Variants in LRMDA observed in about 807,000 individuals in gnomAD.
The protein encoded by LRMDA is leucine-rich melanocyte differentiation-associated protein.
Under a neutral mutation model 29.8 loss-of-function variants are expected in LRMDA, and 18 were observed. That is an observed-to-expected ratio of 0.60 (90% CI 0.42 to 0.90). LRMDA has a LOEUF of 0.90. Among genes scored for constraint, LRMDA ranks in the 40% least tolerant of loss-of-function variants. The pLI is 0.00. For missense variants in LRMDA, 273 were observed against 273.9 expected (o/e 1.00, Z 0.02); for synonymous variants, 125 against 109.4 (o/e 1.14, Z -0.89).
chr10:76,186,703 G>A (rs1851156726), intron 5 of LRMDA, among the ~76,000 whole-genome samples: 1 of 152,200 alleles, frequency 6.6e-6, no homozygotes, highest in South Asian at 2.1e-4. Flanking sequence ...GTTACTGTGT[G>A]CTAGGTAGGA....
chr10:75,664,680 G>T (rs1035485822), intron 2 of LRMDA, among the ~76,000 whole-genome samples: 3 of 152,160 alleles, frequency 2.0e-5, no homozygotes, highest in Non-Finnish European at 2.9e-5. Context: ...AAGGAAGTTT[G>T]TTCAGGGTGA....
intron 2 of LRMDA, among the ~76,000 whole-genome samples, chr10:75,669,609 A>T (rs1181124054): frequency 6.6e-6 from 1 of 152,232 alleles, no homozygotes; most frequent in African/African-American, 2.4e-5. Context: ...CAGACTGTCA[A>T]TTTTTGTCAC....
At chr10:76,023,530 G>A (rs1012173564) in intron 2 of LRMDA, among the ~76,000 whole-genome samples, 1 of 152,148 alleles carries the variant, frequency 6.6e-6, no homozygotes, top group East Asian at 1.9e-4. Flanking sequence ...AAAACTTTGC[G>A]AGTTTTCATC....
At chr10:76,525,723 C>A (rs1843168177) in intron 6 of LRMDA, among the ~76,000 whole-genome samples, 1 of 152,084 alleles carries the variant, frequency 6.6e-6, no homozygotes, top group Non-Finnish European at 1.5e-5. Flanking sequence ...AATACTTGAT[C>A]TTAGTTGTTA....
At chr10:75,669,995 T>G (rs1419618481) in intron 2 of LRMDA, among the ~76,000 whole-genome samples, 4 of 152,182 alleles carry the variant, frequency 2.6e-5, no homozygotes. Flanking sequence ...TTACATTCAT[T>G]ATTTTTAAAA....
At chr10:75,989,408 G>A (rs1442675360) in intron 2 of LRMDA, among the ~76,000 whole-genome samples, 1 of 152,174 alleles carries the variant, frequency 6.6e-6, no homozygotes, top group African/African-American at 2.4e-5. Context: ...AGAGAAGGGG[G>A]AGGTGCCACA....
intron 2 of LRMDA, among the ~76,000 whole-genome samples, chr10:75,442,770 A>G (rs868180287): frequency 6.6e-6 from 1 of 151,128 alleles, no homozygotes; most frequent in Non-Finnish European, 1.5e-5. Flanking sequence ...TTTTTTTTCT[A>G]TTTCTGTGAA....
intron 5 of LRMDA, among the ~76,000 whole-genome samples, chr10:76,294,125 CT>C (rs1164434053): frequency 6.6e-6 from 1 of 152,180 alleles, no homozygotes; most frequent in African/African-American, 2.4e-5. Context: ...CCAGCAATCT[CT>C]TGCGGAAAAT....
At position 75,556,960 on chromosome 10, in the gene LRMDA, A is replaced by C. The variant is rs1470499446; in HGVS notation, c.131+118466A>C. On this transcript the variant is annotated intron_variant, in intron 2 of 6. Transcript: ENST00000611255. Reference sequence around the variant, plus strand: ...AACTAAAATTCTAAAAAAAAACTTCAAAAGAAGGCCAGAAACTAGGAAGAA... The same window carrying C: ...AACTAAAATTCTAAAAAAAAACTTCCAAAGAAGGCCAGAAACTAGGAAGAA... Among the ~76,000 whole-genome samples the C allele has an allele frequency of 2.6e-5, 4 of 152,232 alleles. No individual in the cohort carries two copies. In the East Asian group the frequency reaches 7.7e-4, roughly 29 times the overall value.
At chr10:76,423,838 C>G (rs1842095413) in intron 6 of LRMDA, among the ~76,000 whole-genome samples, 1 of 152,152 alleles carries the variant, frequency 6.6e-6, no homozygotes, top group Non-Finnish European at 1.5e-5. Flanking sequence ...AAACCAATGA[C>G]TAGGAATCAC....
At chr10:76,556,589 G>GATCTCC (rs1475813098) in intron 6 of LRMDA, 6 of 152,356 alleles carry the variant, frequency 3.9e-5, no homozygotes, top group African/African-American at 1.4e-4. Flanking sequence ...TCCTGACCTT[G>GATCTCC]TGATCCACCT....
At chr10:75,525,412 G>C (rs555329257) in intron 2 of LRMDA, among the ~76,000 whole-genome samples, 4 of 152,104 alleles carry the variant, frequency 2.6e-5, no homozygotes, top group Admixed American at 6.6e-5. Flanking sequence ...TGTAGTTTAT[G>C]ATGATCTGGG....
At chr10:76,261,064 C>CTTTTTTTTTT (rs58554883) in intron 5 of LRMDA, among the ~76,000 whole-genome samples, 47 of 117,720 alleles carry the variant, frequency 4.0e-4, no homozygotes, top group African/African-American at 5.4e-4. Context: ...CTTTTCTTTT[C>CTTTTTTTTTT]TTTTTTTTTT....
intron 6 of LRMDA, among the ~76,000 whole-genome samples, chr10:76,514,710 A>C (rs1843042455): frequency 6.6e-6 from 1 of 152,158 alleles, no homozygotes. Context: ...GGCTGGGGGA[A>C]AAGTGAAGGA....
intron 5 of LRMDA, among the ~76,000 whole-genome samples, chr10:76,294,735 A>T (rs1036417433): frequency 6.6e-6 from 1 of 152,200 alleles, no homozygotes; most frequent in Non-Finnish European, 1.5e-5. Flanking sequence ...ATTTTCAAAA[A>T]TCTATTATTG....
At chr10:76,218,523 C>T (rs1851769864) in intron 5 of LRMDA, among the ~76,000 whole-genome samples, 1 of 152,172 alleles carries the variant, frequency 6.6e-6, no homozygotes, top group Admixed American at 6.5e-5. Context: ...GAAACTCTCC[C>T]CCAGGCATGG....
chr10:76,324,195 G>C (rs1038847994), intron 5 of LRMDA, among the ~76,000 whole-genome samples: 3 of 151,972 alleles, frequency 2.0e-5, no homozygotes, highest in African/African-American at 7.3e-5. Context: ...TATTCCATAT[G>C]TACTGAGGCC....
chr10:76,410,851 T>C (rs538034737), intron 6 of LRMDA, among the ~76,000 whole-genome samples: 1 of 152,080 alleles, frequency 6.6e-6, no homozygotes, highest in South Asian at 2.1e-4. Flanking sequence ...CAGGCTGAGG[T>C]AGGATAATTG....
chr10:75,827,740 G>A (rs1020958501), intron 2 of LRMDA, among the ~76,000 whole-genome samples: 10 of 152,182 alleles, frequency 6.6e-5, no homozygotes, highest in Admixed American at 2.0e-4. Context: ...CAGAATGTAC[G>A]TTATCCATCT....
Sources: allele counts gnomAD v4.1 joint callset (sites outside exome capture counted in the v4.1 genomes callset), GRCh38; gene constraint gnomAD v4.1.1; transcripts MANE v1.5; gene names NCBI Gene and HGNC (gene_info 2026-07-23, HGNC 2026-07-21).